Variants in DENND1A observed in about 807,000 individuals in gnomAD.
DENND1A encodes DENN domain containing 1A.
Under a neutral mutation model 113.7 loss-of-function variants are expected in DENND1A, and 51 were observed. That is an observed-to-expected ratio of 0.45 (90% CI 0.36 to 0.57). DENND1A has a LOEUF of 0.57. Among genes scored for constraint, DENND1A ranks in the 20% least tolerant of loss-of-function variants. The probability of loss-of-function intolerance (pLI) is 0.00; values close to 1 mark genes in which losing one functional copy is unlikely to be tolerated. For missense variants in DENND1A, 1,258 were observed against 1,395.9 expected, an observed-to-expected ratio of 0.90 and a Z score of 1.57; for synonymous variants, 565 against 570.8, an observed-to-expected ratio of 0.99 and a Z score of 0.14.
At chr9:123,677,577 G>A (rs1021925451) in intron 5 of DENND1A, among the ~76,000 whole-genome samples, 7 of 152,160 alleles carry the variant, frequency 4.6e-5, no homozygotes, top group Non-Finnish European at 8.8e-5. Flanking sequence ...GGGACTACAG[G>A]TGTGCGCCAC....
At chr9:123,877,613 C>G (rs1847694045) in intron 2 of DENND1A, among the ~76,000 whole-genome samples, 1 of 151,970 alleles carries the variant, frequency 6.6e-6, no homozygotes, top group Non-Finnish European at 1.5e-5. Flanking sequence ...CACCTGAGGT[C>G]AGGAGCTCAA....
intron 11 of DENND1A, among the ~76,000 whole-genome samples, chr9:123,597,465 C>A (rs2059746743): frequency 6.6e-6 from 1 of 152,194 alleles, no homozygotes. Context: ...GGAGCCCTCA[C>A]AGTCCTTAAC....
intron 5 of DENND1A, among the ~76,000 whole-genome samples, chr9:123,699,845 G>A (rs921426702): frequency 1.3e-5 from 2 of 151,942 alleles, no homozygotes; most frequent in Non-Finnish European, 2.9e-5. Context: ...TTACAGGCAT[G>A]TGCCAACACA....
At chr9:123,551,992 C>T (rs536264933) in intron 13 of DENND1A, among the ~76,000 whole-genome samples, 25 of 114,102 alleles carry the variant, frequency 2.2e-4, no homozygotes, top group South Asian at 5.9e-4. Context: ...AGAGAGAGAG[C>T]GAGAGAGAGC....
At chr9:123,485,844 A>G (rs2050816724) in intron 13 of DENND1A, among the ~76,000 whole-genome samples, 2 of 150,382 alleles carry the variant, frequency 1.3e-5, no homozygotes, top group Admixed American at 6.5e-5. Context: ...TGGCCTCCAC[A>G]TGCGGAGGCT....
rs73578165 is a variant in DENND1A at position 123,558,621 on chromosome 9, G to A, written c.868-926C>T. On this transcript the variant is annotated intron_variant, in intron 12 of 23. Transcript: ENST00000394215. ...AGGTCCACGTACTACAAACAAACCC[G>A]TTGGCCAAATGGAATAAAGATTTTC... 5.7e-3 allele frequency among the ~76,000 whole-genome samples: 861 copies of A among 152,182 alleles called. 8 individuals carry two copies. The highest frequency in any genetic ancestry group is 0.02 in the African/African-American group (815 of 41,506).
chr9:123,728,951 G>C (rs915560453), intron 5 of DENND1A, among the ~76,000 whole-genome samples: 1 of 152,100 alleles, frequency 6.6e-6, no homozygotes, highest in Non-Finnish European at 1.5e-5. Context: ...GGGATGCAAG[G>C]CTGGTTCAAC....
At chr9:123,461,418 G>A (rs2048515270) in intron 13 of DENND1A, among the ~76,000 whole-genome samples, 1 of 152,234 alleles carries the variant, frequency 6.6e-6, no homozygotes, top group African/African-American at 2.4e-5. Flanking sequence ...CAGGAGCCTT[G>A]TGTGGTCTCA....
chr9:123,789,059 CTTGT>C (rs1225770283), intron 3 of DENND1A, among the ~76,000 whole-genome samples: 37 of 148,660 alleles, frequency 2.5e-4, no homozygotes, highest in Non-Finnish European at 3.1e-4. Context: ...CTGCTTTTGC[CTTGT>C]TTTTTTTTTT....
chr9:123,880,908 T>G (rs964760857), intron 1 of DENND1A, among the ~76,000 whole-genome samples: 1 of 152,204 alleles, frequency 6.6e-6, no homozygotes, highest in Non-Finnish European at 1.5e-5. Flanking sequence ...AGGCTTATAT[T>G]ATAAATAATG....
intron 1 of DENND1A, among the ~76,000 whole-genome samples, chr9:123,903,098 C>T (rs544862821): frequency 4.6e-5 from 7 of 151,628 alleles, no homozygotes; most frequent in East Asian, 3.9e-4. Context: ...TTTGGGAGGC[C>T]GAGGCAGGCG....
At chr9:123,686,950 C>T (rs1036102099) in intron 5 of DENND1A, among the ~76,000 whole-genome samples, 3 of 152,130 alleles carry the variant, frequency 2.0e-5, no homozygotes, top group Non-Finnish European at 4.4e-5. Context: ...CATTCAATCG[C>T]AAATCTCTCT....
chr9:123,513,765 A>C (rs73665309), intron 13 of DENND1A, among the ~76,000 whole-genome samples: 7,014 of 152,274 alleles, frequency 0.046, 532 homozygotes, highest in African/African-American at 0.16. Context: ...TGGTCAATCC[A>C]GATGGATTTA....
intron 9 of DENND1A, among the ~76,000 whole-genome samples, chr9:123,649,344 T>C (rs2062520698): frequency 6.6e-6 from 1 of 152,206 alleles, no homozygotes; most frequent in Admixed American, 6.5e-5. Flanking sequence ...TGCTTCCTAA[T>C]TGAGGATTTT....
chr9:123,460,974 A>AG (rs780964075), intron 13 of DENND1A, among the ~76,000 whole-genome samples: 42 of 152,210 alleles, frequency 2.8e-4, no homozygotes, highest in Non-Finnish European at 5.0e-4. Flanking sequence ...AGGGCCCAAT[A>AG]GGGGTGAGGA....
intron 18 of DENND1A, among the ~76,000 whole-genome samples, chr9:123,444,736 T>C (rs963761657): frequency 5.3e-5 from 8 of 152,256 alleles, no homozygotes; most frequent in African/African-American, 1.9e-4. Context: ...ATGCAGGTTA[T>C]AAAATGAGAT....
intron 1 of DENND1A, among the ~76,000 whole-genome samples, chr9:123,924,147 T>A (rs571293794): frequency 1.3e-5 from 2 of 152,308 alleles, no homozygotes; most frequent in East Asian, 3.9e-4. Context: ...AATCATTAAG[T>A]GAAAGAAGCC....
intron 5 of DENND1A, among the ~76,000 whole-genome samples, chr9:123,694,544 T>C (rs2140462311): frequency 6.6e-6 from 1 of 152,346 alleles, no homozygotes; most frequent in Non-Finnish European, 1.5e-5. Context: ...CTGTGCCCAT[T>C]GAATGGCAAT....
chr9:123,441,608 T>C (rs2046937995), intron 18 of DENND1A, among the ~76,000 whole-genome samples: 1 of 152,162 alleles, frequency 6.6e-6, no homozygotes, highest in East Asian at 1.9e-4. Flanking sequence ...ACGTGGGTCA[T>C]TTGGAACATG....
Sources: allele counts gnomAD v4.1 joint callset (sites outside exome capture counted in the v4.1 genomes callset), GRCh38; gene constraint gnomAD v4.1.1; transcripts MANE v1.5; gene names NCBI Gene and HGNC (gene_info 2026-07-23, HGNC 2026-07-21).